CRAMP1: variants seen among roughly 807,000 people sequenced by gnomAD.
The protein encoded by CRAMP1 is protein cramped-like.
In CRAMP1, 50 loss-of-function variants were observed where a neutral mutation model predicts 115.4. The observed-to-expected ratio is 0.43, with a 90% CI of 0.35 to 0.55. The LOEUF (loss-of-function observed/expected upper bound fraction) is 0.55, where lower values mean the gene tolerates loss of function less well. CRAMP1 is among the 20% of genes least tolerant of loss of function. CRAMP1 has a pLI of 0.01. For synonymous variants in CRAMP1, 866 were observed against 745.4 expected, an observed-to-expected ratio of 1.16 and a Z score of -2.64; for missense variants, 1,679 against 1,721.7, an observed-to-expected ratio of 0.98 and a Z score of 0.44.
chr16:1,622,357 C>CA (rs2036472133), intron 2 of CRAMP1, among the ~76,000 whole-genome samples: 2 of 152,182 alleles, frequency 1.3e-5, no homozygotes, highest in South Asian at 4.1e-4. Flanking sequence ...TACTAAAGTA[C>CA]AAAAAAATTA....
rs2036932596 is a variant in CRAMP1, at chr16:1,672,783, T to G, written c.3646-1098T>G. Among the ~76,000 whole-genome samples the G allele has an allele frequency of 1.3e-5, 2 of 152,130 alleles. No homozygotes were observed. Among genetic ancestry groups the G allele is most frequent in the Admixed American group, 6.5e-5 (1 of 15,288 alleles). On this transcript the variant is annotated intron_variant, in intron 20 of 20. Transcript: ENST00000397412. This position sits in a 1 kb window ranked among gnomAD's most constrained non-coding sequence, Gnocchi z 4.9. ...GACAATAAGCGCTGAAAACGGCACA[T>G]TCTACGTATTTGCTCATGGGACAAG...
rs2036933316 is a variant in CRAMP1 at position 1,672,858 on chromosome 16, CCTCA to C, written c.3646-1015_3646-1012del. ...CCTCCGTCTCCTCAGCTCTGTGCTG[CCTCA>C]CTCACTCTGTCATGGCCACCACCTT... is the stretch of plus-strand genomic sequence containing the variant. On this transcript the variant is annotated intron_variant, in intron 20 of 20. Coordinates refer to ENST00000397412, the MANE Select transcript of CRAMP1 (RefSeq NM_020825.4). The surrounding 1 kb of genome is among the most constrained non-coding windows in gnomAD (Gnocchi z 4.9). 6.6e-6 allele frequency among the ~76,000 whole-genome samples: 1 copy of C among 152,254 alleles called. No homozygotes were observed. The highest frequency in any genetic ancestry group is 1.5e-5 in the Non-Finnish European group (1 of 68,046).
rs1214261343 is a variant in CRAMP1 at position 1,626,128 on chromosome 16, A to G, written c.502A>G (p.Thr168Ala). ...KVRRQWESWS[T>A]EDKNTFFEGL... ...CCGGCGGCAGTGGGAGTCGTGGAGCACAGAGGACAAGAACACCTTCTTCGA... is the reference window on the plus strand; with the variant it reads ...CCGGCGGCAGTGGGAGTCGTGGAGCGCAGAGGACAAGAACACCTTCTTCGA... The change falls in exon 3 of 21, where the codon ACA (threonine) becomes GCA (alanine). Residue 168 changes from threonine (T) to alanine (A), a missense_variant. Transcript: ENST00000397412. 5.6e-5 allele frequency: 86 copies of G among 1,545,018 alleles called. No homozygotes were observed. The highest frequency in any genetic ancestry group is 2.5e-5 in the East Asian group (1 of 40,700).
At chr16:1,644,996 C>T (rs1024492301) in intron 6 of CRAMP1, among the ~76,000 whole-genome samples, 6 of 151,864 alleles carry the variant, frequency 4.0e-5, no homozygotes, top group Admixed American at 6.6e-5. Context: ...TCCTTCACAC[C>T]TGACCCATTT....
In CRAMP1 at chr16:1,669,610, A is replaced by G. The variant is rs1042032642; in HGVS notation, c.3499+445A>G. ...GGATGGTCCAGCTGCCACCTGGCAC[A>G]TTCTTGAATATAGATCGGAGAGTTC... On this transcript the variant is annotated intron_variant, in intron 19 of 20. Coordinates refer to ENST00000397412, the MANE Select transcript of CRAMP1 (RefSeq NM_020825.4). The surrounding 1 kb of genome is among the most constrained non-coding windows in gnomAD (Gnocchi z 4.6). 3.3e-5 allele frequency among the ~76,000 whole-genome samples: 5 copies of G among 152,176 alleles called. No homozygotes were observed. The highest frequency in any genetic ancestry group is 1.2e-4 in the African/African-American group (5 of 41,446).
At position 1,637,821 on chromosome 16, in the gene CRAMP1, C is replaced by T; in HGVS notation, c.695-3C>T. 2.0e-6 allele frequency: 3 copies of T among 1,501,346 alleles called. No homozygotes were observed. The highest frequency in any genetic ancestry group is 2.7e-6 in the Non-Finnish European group (3 of 1,120,490). 93.0% of individuals were successfully genotyped at this position (1,501,346 alleles called of 1,614,324 possible). A position where few individuals can be genotyped will look rare whatever the true frequency, so the allele number is the denominator to read the frequency against. ...TAAAGCCGCCTTCTCTTCTGTTTCT[C>T]AGTGTTCTCTCGAGGCCTGAAGAAG... On this transcript the variant is annotated splice_region_variant and splice_polypyrimidine_tract_variant and intron_variant, in intron 4 of 20. Coordinates refer to ENST00000397412, the MANE Select transcript of CRAMP1 (RefSeq NM_020825.4).
chr16:1,624,803 C>A (rs769679418), intron 2 of CRAMP1, among the ~76,000 whole-genome samples: 4 of 152,154 alleles, frequency 2.6e-5, no homozygotes, highest in Non-Finnish European at 5.9e-5. Flanking sequence ...AGGTTGGTCT[C>A]GATCTCTTGA....
chr16:1,630,797 C>G (rs1404280054), intron 3 of CRAMP1, among the ~76,000 whole-genome samples: 1 of 152,206 alleles, frequency 6.6e-6, no homozygotes, highest in African/African-American at 2.4e-5. Context: ...TAGAATGTCC[C>G]TTGTGTCAGT....
chr16:1,641,279 C>T, intron 6 of CRAMP1, 92 bp downstream of exon 6: 2 of 943,788 alleles, frequency 2.1e-6, no homozygotes, highest in South Asian at 1.4e-5. Flanking sequence ...TCAGTGAGGA[C>T]CTTCCGAGTT....
rs1197308509 is a variant in CRAMP1 at position 1,675,481 on chromosome 16, G to C, written c.*1436G>C. On this transcript the variant is annotated 3_prime_UTR_variant, in exon 21 of 21. Coordinates refer to ENST00000397412, the MANE Select transcript of CRAMP1 (RefSeq NM_020825.4). ...CCATTCCTCTTCCCCCACATGTGTGGCACGCTGCAGCCCTCAAGGCCAGCC... is the reference window on the plus strand; with the variant it reads ...CCATTCCTCTTCCCCCACATGTGTGCCACGCTGCAGCCCTCAAGGCCAGCC... The C allele has an allele frequency of 6.5e-6, 1 of 152,682 alleles. No homozygotes were observed. Among genetic ancestry groups the C allele is most frequent in the Non-Finnish European group, 1.5e-5 (1 of 68,252 alleles). 9.5% of individuals were successfully genotyped at this position (152,682 alleles called of 1,614,324 possible). A position where few individuals can be genotyped will look rare whatever the true frequency, so the allele number is the denominator to read the frequency against.
rs1039942944 is a variant in CRAMP1, at chr16:1,656,194, G to A, written c.1437G>A (p.Ala479=). 9 of 1,601,852 alleles carry A rather than the reference G, an allele frequency of 5.6e-6. No individual in the cohort carries two copies. The highest frequency in any genetic ancestry group is 4.5e-5 in the East Asian group (2 of 44,690). Residue 479 remains alanine (A), a synonymous_variant, in exon 10 of 21, where the codon GCG becomes GCA. Coordinates refer to ENST00000397412, the MANE Select transcript of CRAMP1 (RefSeq NM_020825.4). The surrounding 1 kb of genome is among the most constrained non-coding windows in gnomAD (Gnocchi z 5.6). ...AGGGTGTGGGGCGGCCCCCTCCTGC[G>A]GCTGACGCCTTGCAGAGCTCCGGAG... The part of the protein sequence containing the change: ...EGKGVGRPPP[A]ADALQSSGES...
chr16:1,647,713 C>T (rs995080646), intron 6 of CRAMP1, among the ~76,000 whole-genome samples: 3 of 145,588 alleles, frequency 2.1e-5, no homozygotes, highest in Non-Finnish European at 3.0e-5. Flanking sequence ...GGCACCACTG[C>T]ACTCCAGCCT....
rs562754816 is a variant in CRAMP1, at chr16:1,641,383, G to A, written c.827+196G>A. On this transcript the variant is annotated intron_variant, in intron 6 of 20. Transcript: ENST00000397412. ...TGCGCCCAGAGCCTGTGCCTGCCCC[G>A]GGGAGGGAAGGAAGTGCCGTCTTTG... 9.2e-5 allele frequency among the ~76,000 whole-genome samples: 14 copies of A among 152,314 alleles called. 1 individual carries two copies. In the South Asian group the frequency reaches 1.0e-3, roughly 11 times the overall value.
At chr16:1,650,149 CTT>C (rs1352656132) in intron 6 of CRAMP1, among the ~76,000 whole-genome samples, 1 of 152,118 alleles carries the variant, frequency 6.6e-6, no homozygotes, top group Non-Finnish European at 1.5e-5. Context: ...ATGGTAAAAT[CTT>C]TGTGGGGTAT....
At position 1,614,973 on chromosome 16, in the gene CRAMP1, C is replaced by A; in HGVS notation, c.334C>A (p.Pro112Thr). ...VGSGNAGGSG[P>T]RGKGAEGGGS... ...GAGCGGCAACGCCGGTGGCTCGGGG[C>A]CCCGCGGAAAAGGTAGGGCGGCCCG... Residue 112 changes from proline (P) to threonine (T), a missense_variant, in exon 2 of 21, where the codon CCC (proline) becomes ACC (threonine). Coordinates refer to ENST00000397412, the MANE Select transcript of CRAMP1 (RefSeq NM_020825.4). This position sits in a 1 kb window ranked among gnomAD's most constrained non-coding sequence, Gnocchi z 4.4. The A allele has an allele frequency of 4.0e-6, 5 of 1,254,310 alleles. No individual in the cohort carries two copies. Among genetic ancestry groups the A allele is most frequent in the Non-Finnish European group, 5.0e-6 (5 of 998,752 alleles). 77.7% of individuals were successfully genotyped at this position (1,254,310 alleles called of 1,614,324 possible). A position where few individuals can be genotyped will look rare whatever the true frequency, so the allele number is the denominator to read the frequency against.
chr16:1,629,108 G>A (rs1275682014), intron 3 of CRAMP1, among the ~76,000 whole-genome samples: 1 of 152,128 alleles, frequency 6.6e-6, no homozygotes, highest in Non-Finnish European at 1.5e-5. Context: ...GCTTATATCC[G>A]TCCATCATCC....
In CRAMP1 at chr16:1,675,501, C is replaced by T; in HGVS notation, c.*1456C>T. On this transcript the variant is annotated 3_prime_UTR_variant, in exon 21 of 21. Coordinates refer to ENST00000397412, the MANE Select transcript of CRAMP1 (RefSeq NM_020825.4). ...GTGTGGCACGCTGCAGCCCTCAAGG[C>T]CAGCCCTGGCCCCTCCACTGCTTCT... 6.5e-6 allele frequency: 1 copy of T among 152,846 alleles called. No individual in the cohort carries two copies. The highest frequency in any genetic ancestry group is 1.5e-5 in the Non-Finnish European group (1 of 68,256). The allele number at this position is 152,846 out of a possible 1,614,324, so 9.5% of individuals were successfully genotyped here. A position where few individuals can be genotyped will look rare whatever the true frequency, so the allele number is the denominator to read the frequency against.
In CRAMP1 at chr16:1,669,187, C is replaced by G; in HGVS notation, c.3499+22C>G. The G allele has an allele frequency of 6.5e-7, 1 of 1,541,478 alleles. No individual in the cohort carries two copies. The highest frequency in any genetic ancestry group is 8.7e-7 in the Non-Finnish European group (1 of 1,143,830). On this transcript the variant is annotated intron_variant, in intron 19 of 20. Transcript: ENST00000397412. This position sits in a 1 kb window ranked among gnomAD's most constrained non-coding sequence, Gnocchi z 4.6. ...TTTGGTGAGTGTATGGGGAGGGCTC[C>G]CATCTCCTTTTCCAGGGCAGCAGGG...
rs1344285171 is a variant in CRAMP1, at chr16:1,666,685, C to T, written c.3036+85C>T. 1 of 1,268,578 alleles carries T rather than the reference C, an allele frequency of 7.9e-7. No individual in the cohort carries two copies. The allele number at this position is 1,268,578 out of a possible 1,614,324, so 78.6% of individuals were successfully genotyped here. A position where few individuals can be genotyped will look rare whatever the true frequency, so the allele number is the denominator to read the frequency against. On this transcript the variant is annotated intron_variant, in intron 16 of 20. Transcript: ENST00000397412. This position sits in a 1 kb window ranked among gnomAD's most constrained non-coding sequence, Gnocchi z 5.0. ...GCCATGGGGCTGAGATCACGCTGGA[C>T]TCCAGCTCTGCCTTTGGAGGAGAGT... is the stretch of plus-strand genomic sequence containing the variant.
Sources: gnomAD v4.1 joint callset for allele counts (sites outside exome capture counted in the v4.1 genomes callset) on GRCh38, gnomAD v4.1.1 for gene constraint, Gnocchi (gnomAD v3.1) non-coding constraint, MANE v1.5 for transcripts, NCBI Gene and HGNC (gene_info 2026-07-23, HGNC 2026-07-21) for gene names.